The following RSPO3 variants were observed in gnomAD, a reference collection of about 807,000 sequenced individuals.
RSPO3 encodes R-spondin-3.
A neutral mutation model predicts 36.5 loss-of-function variants in RSPO3; 17 were observed. The ratio of observed to expected loss-of-function variants is 0.47; its 90% CI spans 0.32 to 0.70. The LOEUF is 0.70. Ranked by LOEUF, RSPO3 falls within the 30% of genes least tolerant of loss-of-function variation. The pLI, the probability that RSPO3 is intolerant of heterozygous loss-of-function variation, is 0.04. For missense variants in RSPO3, 294 were observed against 322.5 expected, an observed-to-expected ratio of 0.91 and a Z score of 0.68; for synonymous variants, 108 against 107.0, an observed-to-expected ratio of 1.01 and a Z score of -0.06.
intron 1 of RSPO3, among the ~76,000 whole-genome samples, chr6:127,140,518 T>C (rs1774248126): frequency 6.6e-6 from 1 of 152,194 alleles, no homozygotes; most frequent in Non-Finnish European, 1.5e-5. Flanking sequence ...CCAAGTTTGT[T>C]GCTAGTTAGA....
intron 1 of RSPO3, among the ~76,000 whole-genome samples, chr6:127,136,358 C>T (rs906462293): frequency 6.6e-6 from 1 of 152,096 alleles, no homozygotes. Context: ...TGGCTCATGA[C>T]AAGGCACAAT....
rs1775523591 is a variant in RSPO3 at position 127,196,818 on chromosome 6, A to T, written c.*811A>T. The T allele has an allele frequency of 6.5e-6, 1 of 152,828 alleles. No homozygotes were observed. The highest frequency in any genetic ancestry group is 1.5e-5 in the Non-Finnish European group (1 of 68,190). The allele number at this position is 152,828 out of a possible 1,614,324, so 9.5% of individuals were successfully genotyped here. A position where few individuals can be genotyped will look rare whatever the true frequency, so the allele number is the denominator to read the frequency against. On this transcript the variant is annotated 3_prime_UTR_variant, in exon 5 of 5. Coordinates refer to ENST00000356698, the MANE Select transcript of RSPO3 (RefSeq NM_032784.5). ...GTAACTTACTTCCAAAAACAAAATC[A>T]TACTTATTAGAAGAAAATTCTGATT...
chr6:127,180,844 A>T (rs1775170613), intron 4 of RSPO3, among the ~76,000 whole-genome samples: 2 of 151,792 alleles, frequency 1.3e-5, no homozygotes, highest in South Asian at 4.1e-4. Context: ...TCAACTACTT[A>T]TATATCATTT....
intron 1 of RSPO3, among the ~76,000 whole-genome samples, chr6:127,125,053 T>G (rs572669670): frequency 6.6e-6 from 1 of 152,246 alleles, no homozygotes; most frequent in African/African-American, 2.4e-5. Flanking sequence ...TGCAGGTGCC[T>G]CTTATCTGAT....
intron 4 of RSPO3, among the ~76,000 whole-genome samples, chr6:127,164,858 G>C (rs891395412): frequency 1.3e-5 from 2 of 151,996 alleles, no homozygotes; most frequent in African/African-American, 4.8e-5. Flanking sequence ...CCTTGCAAAT[G>C]GTTGTTTTGT....
intron 4 of RSPO3, among the ~76,000 whole-genome samples, chr6:127,166,436 T>C (rs973445732): frequency 2.0e-5 from 3 of 152,038 alleles, no homozygotes; most frequent in Non-Finnish European, 4.4e-5. Context: ...TTTGGAACCA[T>C]GTGGTTTCAA....
chr6:127,162,964 A>G lies in RSPO3; in HGVS notation c.634+7526A>G, dbSNP rs143210405. Among the ~76,000 whole-genome samples, 21 of 152,256 alleles carry G rather than the reference A, an allele frequency of 1.4e-4. No homozygotes were observed. The East Asian group carries it at 3.9e-3, about 28-fold the overall frequency. ...ATATGTTTTTGTAAGACGGCTAAGT[A>G]GGGTTAAAGGTACAGCTTGTGGTTG... On this transcript the variant is annotated intron_variant, in intron 4 of 4. Transcript: ENST00000356698.
chr6:127,191,579 T>C (rs1394825569), intron 4 of RSPO3, among the ~76,000 whole-genome samples: 2 of 152,260 alleles, frequency 1.3e-5, no homozygotes, highest in Non-Finnish European at 2.9e-5. Context: ...AATTATGTGA[T>C]ACTACTATGC....
intron 4 of RSPO3, 88 bp from the exon 5 acceptor site, chr6:127,195,735 A>C: frequency 1.2e-6 from 1 of 864,948 alleles, no homozygotes; most frequent in South Asian, 2.0e-5. Flanking sequence ...TATATAATCT[A>C]AGAGAAATTT....
intron 1 of RSPO3, among the ~76,000 whole-genome samples, chr6:127,120,540 G>A (rs1026064163): frequency 6.6e-6 from 1 of 152,218 alleles, no homozygotes; most frequent in African/African-American, 2.4e-5. Context: ...AGCCTTTCGG[G>A]GCAGACGTCG....
intron 4 of RSPO3, 30 bp downstream of exon 4, chr6:127,155,468 T>C (rs1232198066): frequency 3.2e-6 from 5 of 1,585,428 alleles, no homozygotes; most frequent in South Asian, 1.1e-5. Flanking sequence ...ATGTGCTTGT[T>C]TGAATCCTCA....
intron 4 of RSPO3, among the ~76,000 whole-genome samples, chr6:127,164,539 T>TA (rs1774775740): frequency 6.6e-6 from 1 of 151,518 alleles, no homozygotes; most frequent in Non-Finnish European, 1.5e-5. Flanking sequence ...TGCTAGAAAC[T>TA]TTTTTTTTGG....
chr6:127,196,346 A>C lies in RSPO3; in HGVS notation c.*339A>C, dbSNP rs1195950793. The stretch of plus-strand genomic sequence containing the variant: ...TTTTCCTTATAAAAATGTGTTTTCA[A>C]GCTGTTGTTTTAAGAAGCAAAAGAT... On this transcript the variant is annotated 3_prime_UTR_variant, in exon 5 of 5. Coordinates refer to ENST00000356698, the MANE Select transcript of RSPO3 (RefSeq NM_032784.5). 1.8e-5 allele frequency: 3 copies of C among 164,004 alleles called. No individual in the cohort carries two copies. Among genetic ancestry groups the C allele is most frequent in the Non-Finnish European group, 4.0e-5 (3 of 75,384 alleles). The allele number at this position is 164,004 out of a possible 1,614,324, so 10.2% of individuals were successfully genotyped here.
At chr6:127,136,861 T>C (rs1774168485) in intron 1 of RSPO3, among the ~76,000 whole-genome samples, 1 of 152,172 alleles carries the variant, frequency 6.6e-6, no homozygotes, top group South Asian at 2.1e-4. Flanking sequence ...ATCTTTATTA[T>C]AGATGAGAGT....
chr6:127,155,752 A>G (rs1032946778), intron 4 of RSPO3, among the ~76,000 whole-genome samples: 40 of 152,108 alleles, frequency 2.6e-4, no homozygotes, highest in Admixed American at 1.4e-3. Flanking sequence ...GGGAAGTCTC[A>G]TAATTACAAA....
rs1333169193 is a variant in RSPO3 at position 127,192,767 on chromosome 6, C to CGT, written c.635-3047_635-3046dup. On this transcript the variant is annotated intron_variant, in intron 4 of 4. Transcript: ENST00000356698. ...AATATTCAGTGAATGGCAAAGCACA[C>CGT]GTGTGTGTGTATATATATATGTGTG... The CGT allele has an allele frequency of 2.0e-5, 15 of 732,880 alleles. No homozygotes were observed. In the South Asian group the frequency reaches 5.6e-4, roughly 27 times the overall value. The allele number at this position is 732,880 out of a possible 1,614,324, so 45.4% of individuals were successfully genotyped here.
chr6:127,172,858 T>G (rs1774968507), intron 4 of RSPO3, among the ~76,000 whole-genome samples: 2 of 151,780 alleles, frequency 1.3e-5, no homozygotes, highest in Non-Finnish European at 1.5e-5. Context: ...GGACTCACAC[T>G]CAGACCTAAT....
At chr6:127,167,023 T>C (rs1774834426) in intron 4 of RSPO3, among the ~76,000 whole-genome samples, 1 of 152,056 alleles carries the variant, frequency 6.6e-6, no homozygotes, top group South Asian at 2.1e-4. Context: ...CCTTTTGTCA[T>C]GTGCATAGCA....
chr6:127,195,701 G>C, intron 4 of RSPO3, 122 bp from the exon 5 acceptor site: 1 of 642,024 alleles, frequency 1.6e-6, no homozygotes, highest in Non-Finnish European at 2.5e-6. Flanking sequence ...TGAAATAGTA[G>C]ATATTTAGTA....
Sources: gnomAD v4.1 joint callset for allele counts (sites outside exome capture counted in the v4.1 genomes callset) on GRCh38, gnomAD v4.1.1 for gene constraint, MANE v1.5 for transcripts, NCBI Gene and HGNC (gene_info 2026-07-23, HGNC 2026-07-21) for gene names.